The following TAF7L variants were observed in gnomAD, a reference collection of about 807,000 sequenced individuals.
The protein encoded by TAF7L is transcription initiation factor TFIID subunit 7-like.
TAF7L carries 6 observed loss-of-function variants against 30.2 expected under a neutral mutation model. The ratio of observed to expected loss-of-function variants is 0.20; its 90% CI spans 0.11 to 0.39. The LOEUF (loss-of-function observed/expected upper bound fraction) is 0.39. TAF7L is among the 10% of genes least tolerant of loss of function. TAF7L has a pLI of 1.00. For synonymous variants in TAF7L, 93 were observed against 94.5 expected (o/e 0.98, Z 0.09); for missense variants, 284 against 277.1 (o/e 1.03, Z -0.18).
At chrX:101,273,473 C>T (rs1259753103) in intron 12 of TAF7L, among the ~76,000 whole-genome samples, 3 of 110,938 alleles carry the variant, frequency 2.7e-5, no homozygotes, top group East Asian at 2.8e-4. Context: ...CCTGTAGTCC[C>T]AGTTACTTGG....
At chrX:101,290,502 G>C (rs1373705646) in intron 1 of TAF7L, among the ~76,000 whole-genome samples, 1 of 112,145 alleles carries the variant, frequency 8.9e-6, no homozygotes, top group Non-Finnish European at 1.9e-5. Flanking sequence ...GATTTTATCA[G>C]ATCAGTAGTA....
chrX:101,279,740 C>T (rs770408745), intron 6 of TAF7L, among the ~76,000 whole-genome samples: 7 of 111,631 alleles, frequency 6.3e-5, no homozygotes, highest in South Asian at 3.7e-4. Flanking sequence ...AATTATATAG[C>T]GACACTGTGA....
rs990870112 is a variant in TAF7L, at chrX:101,291,204, C to T, written c.-3+20G>A. ...GGGCGCTGACCCGGTCCCGGCCGCCCGGTCGGCCGCCCGACTCACCCGCTC... is the reference window on the plus strand; with the variant it reads ...GGGCGCTGACCCGGTCCCGGCCGCCTGGTCGGCCGCCCGACTCACCCGCTC... On this transcript the variant is annotated intron_variant, in intron 1 of 12. Coordinates refer to ENST00000356784, the MANE Select transcript of TAF7L (RefSeq NM_001168474.2). 7 of 733,060 alleles carry T rather than the reference C, an allele frequency of 9.5e-6. No homozygotes were observed. Among genetic ancestry groups the T allele is most frequent in the Non-Finnish European group, 9.7e-6 (6 of 619,941 alleles). The allele number at this position is 733,060 out of a possible 1,213,427, so 60.4% of individuals were successfully genotyped here.
chrX:101,277,938 T>A, intron 8 of TAF7L, 111 bp downstream of exon 8: 1 of 677,249 alleles, frequency 1.5e-6, no homozygotes, highest in Non-Finnish European at 2.3e-6. Flanking sequence ...TTTCAAAGAA[T>A]CTTAAGTTCC....
rs150042523 is a variant in TAF7L at position 101,288,930 on chromosome X, T to C, written c.-2-1385A>G. Reference sequence around the variant, plus strand: ...TTTTTTTAATTTTAAAAGCCAAATTTGGAAGTGGGAGATTGTATACCAACT... The same window carrying C: ...TTTTTTTAATTTTAAAAGCCAAATTCGGAAGTGGGAGATTGTATACCAACT... On this transcript the variant is annotated intron_variant, in intron 1 of 12. Transcript: ENST00000356784. Among the ~76,000 whole-genome samples, 368 of 111,142 alleles carry C rather than the reference T, an allele frequency of 3.3e-3. 2 individuals carry two copies. Among genetic ancestry groups the C allele is most frequent in the African/African-American group, 0.011 (351 of 30,552 alleles).
chrX:101,283,218 A>G (rs938148598), intron 4 of TAF7L, among the ~76,000 whole-genome samples: 2 of 112,307 alleles, frequency 1.8e-5, no homozygotes, highest in African/African-American at 6.5e-5. Flanking sequence ...AAAAGTCACT[A>G]TAAGTGGCAA....
chrX:101,290,929 G>A (rs780303127), intron 1 of TAF7L, among the ~76,000 whole-genome samples: 8 of 111,589 alleles, frequency 7.2e-5, no homozygotes, highest in African/African-American at 2.6e-4. Flanking sequence ...ATGCAAGTCA[G>A]TACACGCCTA....
At chrX:101,289,676 G>A (rs966424962) in intron 1 of TAF7L, among the ~76,000 whole-genome samples, 43 of 110,617 alleles carry the variant, frequency 3.9e-4, no homozygotes, top group African/African-American at 1.3e-3. Flanking sequence ...TCTGCTGCCC[G>A]GGTTCAAGTG....
In TAF7L at chrX:101,276,449, CTCATCTTCATCA is replaced by C. The variant is rs1924184988; in HGVS notation, c.759_770del (p.Asp253_Asp256del). 9.4e-7 allele frequency: 1 copy of C among 1,059,801 alleles called. No individual in the cohort carries two copies. The highest frequency in any genetic ancestry group is 1.3e-6 in the Non-Finnish European group (1 of 763,691). 87.3% of individuals were successfully genotyped at this position (1,059,801 alleles called of 1,213,427 possible). ...CTTCATCCTCATCCTCATCCTCATC[CTCATCTTCATCA>C]TCCTCATCCTCATCATCATCATTGT... On this transcript the variant is annotated inframe_deletion, in exon 10 of 13. Coordinates refer to ENST00000356784, the MANE Select transcript of TAF7L (RefSeq NM_001168474.2).
At chrX:101,291,864 G>GA (rs34120347), upstream of TAF7L, among the ~76,000 whole-genome samples, 26,619 of 90,980 alleles carry the variant, frequency 0.29, 3,414 homozygotes, top group East Asian at 0.61. Context: ...GACTCTGTCC[G>GA]AAAAAAAAAA....
chrX:101,283,852 T>C (rs1423091240), intron 3 of TAF7L, among the ~76,000 whole-genome samples: 3 of 111,190 alleles, frequency 2.7e-5, no homozygotes, highest in Non-Finnish European at 5.7e-5. Context: ...GGTGAAGTAA[T>C]AAATGTTTCA....
chrX:101,281,884 CCTT>C, intron 5 of TAF7L, 109 bp from the exon 6 acceptor site: 1 of 601,191 alleles, frequency 1.7e-6, no homozygotes, highest in Non-Finnish European at 2.4e-6. Flanking sequence ...TGACATCACT[CCTT>C]TTTTTTTTTT....
At chrX:101,279,319 T>C (rs965849801) in intron 6 of TAF7L, among the ~76,000 whole-genome samples, 4 of 112,254 alleles carry the variant, frequency 3.6e-5, no homozygotes, top group Non-Finnish European at 7.5e-5. Context: ...CTAAAATTTA[T>C]ATTAAAAGAT....
intron 1 of TAF7L, among the ~76,000 whole-genome samples, chrX:101,288,564 A>T (rs188765812): frequency 1.9e-5 from 2 of 105,996 alleles, no homozygotes; most frequent in East Asian, 5.9e-4. Flanking sequence ...TTCATTCATT[A>T]CTACCCTTTA....
Position 101,275,212 on chromosome X carries a change from T to C in TAF7L, c.1086+10A>G. On this transcript the variant is annotated intron_variant, in intron 12 of 12. Coordinates refer to ENST00000356784, the MANE Select transcript of TAF7L (RefSeq NM_001168474.2). ...ATGTTTTCTGGTTAATTTGAAAACA[T>C]ACTTCTTACCTTCTCATTTTTTTGT... 1 of 1,158,104 alleles carries C rather than the reference T, an allele frequency of 8.6e-7. No homozygotes were observed. The highest frequency in any genetic ancestry group is 3.0e-5 in the East Asian group (1 of 32,951).
At chrX:101,279,983 G>T (rs1924349443) in intron 6 of TAF7L, among the ~76,000 whole-genome samples, 1 of 105,368 alleles carries the variant, frequency 9.5e-6, no homozygotes. Context: ...AAAAAACCTT[G>T]AACTAAACCT....
intron 12 of TAF7L, among the ~76,000 whole-genome samples, chrX:101,269,494 T>C (rs1306229646): frequency 8.9e-6 from 1 of 111,869 alleles, no homozygotes; most frequent in Non-Finnish European, 1.9e-5. Flanking sequence ...ACACTGCTGA[T>C]AAAGATATAC....
At chrX:101,292,115 T>G (rs1028211513), upstream of TAF7L, among the ~76,000 whole-genome samples, 1 of 101,817 alleles carries the variant, frequency 9.8e-6, no homozygotes, top group African/African-American at 3.6e-5. Context: ...GGCGGGCGCC[T>G]GTAGTCCCAG....
At chrX:101,292,786 C>T, upstream of TAF7L, 1 of 1,204,165 alleles carries the variant, frequency 8.3e-7, no homozygotes, top group Non-Finnish European at 1.1e-6. Flanking sequence ...AAAAAACCAC[C>T]TACCTTTCCC....
Sources: allele counts gnomAD v4.1 joint callset (sites outside exome capture counted in the v4.1 genomes callset), GRCh38; gene constraint gnomAD v4.1.1; transcripts MANE v1.5; gene names NCBI Gene and HGNC (gene_info 2026-07-23, HGNC 2026-07-21).